Variants in SYCP2L observed in about 807,000 individuals in gnomAD.
SYCP2L encodes synaptonemal complex protein 2 like, also known as synaptonemal complex protein 2-like.
A neutral mutation model predicts 125.8 loss-of-function variants in SYCP2L; 98 were observed. That is an observed-to-expected ratio of 0.78 (90% CI 0.66 to 0.92). SYCP2L has a LOEUF of 0.92. SYCP2L is among the 40% of genes least tolerant of loss of function. The pLI is 0.00. For synonymous variants in SYCP2L, 317 were observed against 325.4 expected, an observed-to-expected ratio of 0.97 and a Z score of 0.28; for missense variants, 842 against 936.4, an observed-to-expected ratio of 0.90 and a Z score of 1.32.
At chr6:10,939,610 A>AAT (rs1281640515) in intron 21 of SYCP2L, among the ~76,000 whole-genome samples, 1 of 152,206 alleles carries the variant, frequency 6.6e-6, no homozygotes, top group Non-Finnish European at 1.5e-5. Flanking sequence ...GGGCACCAAG[A>AAT]ATACACAATG....
chr6:10,890,651 C>T (rs1250629537), intron 1 of SYCP2L, among the ~76,000 whole-genome samples: 1 of 152,162 alleles, frequency 6.6e-6, no homozygotes, highest in Non-Finnish European at 1.5e-5. Context: ...GTTGTCTCTT[C>T]ACTCTATTAT....
chr6:10,936,845 A>G (rs1165465649), intron 21 of SYCP2L, among the ~76,000 whole-genome samples: 1 of 152,224 alleles, frequency 6.6e-6, no homozygotes, highest in Non-Finnish European at 1.5e-5. Context: ...TTGTCACAAG[A>G]GACAAAGACT....
At chr6:10,925,476 T>C (rs1230901869) in intron 15 of SYCP2L, among the ~76,000 whole-genome samples, 1 of 152,208 alleles carries the variant, frequency 6.6e-6, no homozygotes. Flanking sequence ...TTCCTACTTA[T>C]TGACAGAAAC....
chr6:10,894,311 T>G, intron 4 of SYCP2L, 107 bp downstream of exon 4: 1 of 1,384,704 alleles, frequency 7.2e-7, no homozygotes, highest in South Asian at 1.3e-5. Context: ...GAAATCCAAT[T>G]TGAAAAGAAA....
intron 14 of SYCP2L, among the ~76,000 whole-genome samples, chr6:10,917,842 A>G (rs1780717182): frequency 6.6e-6 from 1 of 152,132 alleles, no homozygotes; most frequent in African/African-American, 2.4e-5. Context: ...GTGGCTTGGT[A>G]GTGGCAAATT....
intron 21 of SYCP2L, among the ~76,000 whole-genome samples, chr6:10,939,091 G>T (rs1276936382): frequency 6.6e-6 from 1 of 151,708 alleles, no homozygotes; most frequent in African/African-American, 2.4e-5. Context: ...CTGCATTTCA[G>T]CCTGGGTGAC....
chr6:10,942,569 A>C (rs746876311), intron 22 of SYCP2L, 40 bp downstream of exon 22: 1 of 1,579,058 alleles, frequency 6.3e-7, no homozygotes, highest in Non-Finnish European at 8.6e-7. Context: ...ATTTTCCAGA[A>C]TTAATATCAT....
At chr6:10,933,302 A>G (rs1361179476) in intron 20 of SYCP2L, among the ~76,000 whole-genome samples, 1 of 152,228 alleles carries the variant, frequency 6.6e-6, no homozygotes, top group Non-Finnish European at 1.5e-5. Flanking sequence ...CTTTGTAGCC[A>G]GAAAACAGCC....
At chr6:10,916,510 G>T (rs184376918) in intron 14 of SYCP2L, among the ~76,000 whole-genome samples, 1 of 152,202 alleles carries the variant, frequency 6.6e-6, no homozygotes, top group Admixed American at 6.5e-5. Flanking sequence ...GGTTTTGATA[G>T]GTTGTGTCAC....
intron 28 of SYCP2L, among the ~76,000 whole-genome samples, chr6:10,962,910 T>C (rs186758856): frequency 4.6e-4 from 70 of 151,924 alleles, no homozygotes; most frequent in East Asian, 1.5e-3. Context: ...CTTAATGTTA[T>C]TATTATTACC....
chr6:10,915,435 C>T (rs1410738743), intron 14 of SYCP2L, among the ~76,000 whole-genome samples: 1 of 152,098 alleles, frequency 6.6e-6, no homozygotes, highest in Admixed American at 6.6e-5. Flanking sequence ...CTTCCCCATT[C>T]GGTATTATGT....
intron 6 of SYCP2L, 49 bp downstream of exon 6, chr6:10,898,897 A>G (rs755331601): frequency 1.8e-6 from 2 of 1,132,788 alleles, no homozygotes; most frequent in South Asian, 2.6e-5. Context: ...TCATTAATAG[A>G]ATATTCTGGC....
At chr6:10,957,571 G>GA (rs1437477282) in intron 25 of SYCP2L, among the ~76,000 whole-genome samples, 1 of 152,198 alleles carries the variant, frequency 6.6e-6, no homozygotes, top group East Asian at 1.9e-4. Context: ...CCAGCACTTT[G>GA]GGAGGCCAAG....
At chr6:10,922,436 A>G (rs1240547777) in intron 14 of SYCP2L, among the ~76,000 whole-genome samples, 3 of 147,940 alleles carry the variant, frequency 2.0e-5, no homozygotes, top group Admixed American at 6.7e-5. Flanking sequence ...ATATGTTTGC[A>G]TTGATCCCAC....
chr6:10,940,676 A>G (rs1054982666), intron 21 of SYCP2L, among the ~76,000 whole-genome samples: 10 of 152,166 alleles, frequency 6.6e-5, no homozygotes, highest in African/African-American at 2.4e-4. Context: ...AGGTGCTAGG[A>G]GGTGGGGGGA....
In SYCP2L at chr6:10,912,875, A is replaced by G. The variant is rs773253361; in HGVS notation, c.1020A>G (p.Leu340=). 109 of 1,613,676 alleles carry G rather than the reference A, an allele frequency of 6.8e-5. 2 individuals carry two copies. The South Asian group carries it at 1.1e-3, about 16-fold the overall frequency. ...TFYIDNAENT[L]WDSVTLPKEA... is the part of the protein sequence containing the mutation. ...TTATTTATTTTCCCAAGAATACTCT[A>G]TGGGACTCAGTGACACTTCCGAAGG... Residue 340 remains leucine, a synonymous_variant, in exon 14 of 30, where the codon CTA becomes CTG. Transcript: ENST00000283141. This position sits in a 1 kb window ranked among gnomAD's most constrained non-coding sequence, Gnocchi z 4.1.
At chr6:10,951,396 C>T (rs992517346) in intron 23 of SYCP2L, among the ~76,000 whole-genome samples, 5 of 152,098 alleles carry the variant, frequency 3.3e-5, no homozygotes, top group African/African-American at 1.2e-4. Context: ...GCATTCCAGC[C>T]TGGGTGACAA....
At chr6:10,921,063 T>A (rs1016908500) in intron 14 of SYCP2L, among the ~76,000 whole-genome samples, 1 of 152,144 alleles carries the variant, frequency 6.6e-6, no homozygotes, top group African/African-American at 2.4e-5. Flanking sequence ...GGCCCCAGTA[T>A]GTGTTCCCCG....
rs532333612 is a variant in SYCP2L, at chr6:10,914,123, G to A, written c.1072+1196G>A. Among the ~76,000 whole-genome samples the A allele has an allele frequency of 5.9e-5, 9 of 152,146 alleles. No individual in the cohort carries two copies. The South Asian group carries it at 1.9e-3, about 32-fold the overall frequency. ...GCTGGGATTACATGTGTGAGCCACCGTGCCCATTCTTCTAGAATTTTTATA... is the reference window on the plus strand; with the variant it reads ...GCTGGGATTACATGTGTGAGCCACCATGCCCATTCTTCTAGAATTTTTATA... On this transcript the variant is annotated intron_variant, in intron 14 of 29. Coordinates refer to ENST00000283141, the MANE Select transcript of SYCP2L (RefSeq NM_001040274.3).
Sources: allele counts gnomAD v4.1 joint callset (sites outside exome capture counted in the v4.1 genomes callset), GRCh38; gene constraint gnomAD v4.1.1; non-coding constraint Gnocchi (gnomAD v3.1); transcripts MANE v1.5; gene names NCBI Gene and HGNC (gene_info 2026-07-23, HGNC 2026-07-21).